The following SPATA16 variants were observed in gnomAD, a reference collection of about 807,000 sequenced individuals.
SPATA16 encodes the protein spermatogenesis associated 16, also known as spermatogenesis-associated protein 16.
SPATA16 carries 36 observed loss-of-function variants against 63.3 expected under a neutral mutation model. The observed-to-expected ratio is 0.57, with a 90% CI of 0.44 to 0.75. The LOEUF is 0.75. Among genes scored for constraint, SPATA16 ranks in the 30% least tolerant of loss-of-function variants. The pLI, the probability that SPATA16 is intolerant of heterozygous loss-of-function variation, is 0.00. For synonymous variants in SPATA16, 203 were observed against 216.7 expected, an observed-to-expected ratio of 0.94 and a Z score of 0.56; for missense variants, 646 against 679.3, an observed-to-expected ratio of 0.95 and a Z score of 0.54.
intron 4 of SPATA16, among the ~76,000 whole-genome samples, chr3:173,013,725 T>C (rs965309102): frequency 2.6e-5 from 4 of 152,260 alleles, no homozygotes; most frequent in African/African-American, 9.6e-5. Context: ...CAGGTAGCTG[T>C]AACTCAGGCC....
intron 2 of SPATA16, among the ~76,000 whole-genome samples, chr3:173,114,113 G>A (rs188492790): frequency 1.3e-5 from 2 of 150,176 alleles, no homozygotes; most frequent in East Asian, 3.9e-4. Flanking sequence ...CTGGGAGGCG[G>A]AGGTTGCAGT....
chr3:173,043,288 A>AT (rs1353911466), intron 3 of SPATA16, among the ~76,000 whole-genome samples: 1 of 151,762 alleles, frequency 6.6e-6, no homozygotes, highest in Admixed American at 6.6e-5. Context: ...TTAGTAATTA[A>AT]TTTTAAGTCA....
rs186514839 is a variant in SPATA16, at chr3:172,907,165, C to G, written c.1587+6496G>C. On this transcript the variant is annotated intron_variant, in intron 10 of 10. Coordinates refer to ENST00000351008, the MANE Select transcript of SPATA16 (RefSeq NM_031955.6). ...AATATCCTTATTTTACATGAGAACA[C>G]TGCAGAGAAAGGAAGTGGCTTCCGA... Among the ~76,000 whole-genome samples the G allele has an allele frequency of 6.7e-4, 102 of 152,320 alleles. 1 individual carries two copies. The highest frequency in any genetic ancestry group is 2.3e-3 in the African/African-American group (96 of 41,570).
intron 3 of SPATA16, among the ~76,000 whole-genome samples, chr3:173,023,147 G>A (rs945524727): frequency 6.6e-6 from 1 of 151,366 alleles, no homozygotes; most frequent in Non-Finnish European, 1.5e-5. Flanking sequence ...ATGTGTGTGT[G>A]TGTGTGTGTG....
rs1200284125 is a variant in SPATA16, at chr3:172,925,434, T to C, written c.1140A>G (p.Gln380=). Residue 380 remains glutamine (Q), a synonymous_variant, in exon 7 of 11, where the codon CAA becomes CAG. Coordinates refer to ENST00000351008, the MANE Select transcript of SPATA16 (RefSeq NM_031955.6). ...QTVDWSSFPP[Q]QYLLTLGFKN... ...TGAACCCAAGAGTCAAGAGATATTG[T>C]TGGGGAGGAAAAGATGACCAGTCAA... 1.9e-6 allele frequency: 3 copies of C among 1,614,056 alleles called. No homozygotes were observed. The highest frequency in any genetic ancestry group is 2.5e-6 in the Non-Finnish European group (3 of 1,179,962).
At chr3:173,102,513 G>T (rs1392828422) in intron 2 of SPATA16, among the ~76,000 whole-genome samples, 1 of 152,180 alleles carries the variant, frequency 6.6e-6, no homozygotes, top group Non-Finnish European at 1.5e-5. Context: ...AGCCAGAGCA[G>T]TTGGTGGGGG....
chr3:172,966,132 T>A (rs1259861899), intron 5 of SPATA16, among the ~76,000 whole-genome samples: 1 of 152,200 alleles, frequency 6.6e-6, no homozygotes, highest in Non-Finnish European at 1.5e-5. Context: ...ATTATATACC[T>A]ATATATGTTT....
At chr3:173,082,732 TAGA>T (rs1736955942) in intron 2 of SPATA16, among the ~76,000 whole-genome samples, 1 of 152,160 alleles carries the variant, frequency 6.6e-6, no homozygotes, top group Admixed American at 6.6e-5. Flanking sequence ...TCTCTTTGCC[TAGA>T]AGAGAGGAAC....
At chr3:172,924,810 T>A (rs1732691161) in intron 7 of SPATA16, among the ~76,000 whole-genome samples, 1 of 152,198 alleles carries the variant, frequency 6.6e-6, no homozygotes, top group Non-Finnish European at 1.5e-5. Flanking sequence ...TGGTCATGAA[T>A]TCAGCCCATA....
rs1450822760 is a variant in SPATA16, at chr3:172,889,565, A to G, written c.*5T>C. ...ATCTTAGTGGTAGTGCCTGCTCCCTAATGACTACCTTTGCTGAACAGTTTG... is the reference window on the plus strand; with the variant it reads ...ATCTTAGTGGTAGTGCCTGCTCCCTGATGACTACCTTTGCTGAACAGTTTG... On this transcript the variant is annotated 3_prime_UTR_variant, in exon 11 of 11. Transcript: ENST00000351008. 6.2e-7 allele frequency: 1 copy of G among 1,613,608 alleles called. No individual in the cohort carries two copies. The highest frequency in any genetic ancestry group is 1.1e-5 in the South Asian group (1 of 91,066).
At chr3:172,934,394 A>G (rs183634181) in intron 6 of SPATA16, among the ~76,000 whole-genome samples, 19 of 152,284 alleles carry the variant, frequency 1.2e-4, no homozygotes, top group African/African-American at 4.3e-4. Flanking sequence ...AAATTAAGAG[A>G]TAGATGATGA....
At chr3:173,124,465 T>C (rs1738173102) in intron 1 of SPATA16, among the ~76,000 whole-genome samples, 1 of 152,330 alleles carries the variant, frequency 6.6e-6, no homozygotes, top group Admixed American at 6.5e-5. Context: ...CCAAGGTTAA[T>C]TCCTTTTGTT....
intron 4 of SPATA16, among the ~76,000 whole-genome samples, chr3:172,993,775 C>A (rs115867139): frequency 2.1e-4 from 32 of 152,242 alleles, no homozygotes; most frequent in African/African-American, 7.2e-4. Flanking sequence ...CCCCCTCCCC[C>A]GCTTAAGATG....
chr3:173,120,434 A>T (rs114133988), intron 1 of SPATA16, among the ~76,000 whole-genome samples: 1,939 of 152,262 alleles, frequency 0.013, 40 homozygotes, highest in African/African-American at 0.044. Context: ...TTAAAAATAT[A>T]AACAGGCAAC....
chr3:172,993,202 G>GA (rs71965210), intron 4 of SPATA16, among the ~76,000 whole-genome samples: 39,116 of 147,558 alleles, frequency 0.27, 6,706 homozygotes, highest in African/African-American at 0.49. Flanking sequence ...AAATATTAGT[G>GA]AAAAAAAAAA....
At chr3:172,932,668 T>C (rs537488715) in intron 6 of SPATA16, among the ~76,000 whole-genome samples, 3 of 152,310 alleles carry the variant, frequency 2.0e-5, no homozygotes, top group East Asian at 3.9e-4. Flanking sequence ...AAAGTTGTTA[T>C]TATTATTGCC....
chr3:172,973,368 C>A (rs1734089094), intron 5 of SPATA16, among the ~76,000 whole-genome samples: 1 of 151,966 alleles, frequency 6.6e-6, no homozygotes. Flanking sequence ...AAAAAAGAAC[C>A]ATTAAGGTAG....
intron 2 of SPATA16, among the ~76,000 whole-genome samples, chr3:173,093,076 C>CACACACACACATAT (rs372317726): frequency 2.8e-5 from 4 of 143,980 alleles, no homozygotes; most frequent in Admixed American, 2.1e-4. Flanking sequence ...CACACACACA[C>CACACACACACATAT]ATATATATAT....
intron 2 of SPATA16, among the ~76,000 whole-genome samples, chr3:173,111,844 T>G (rs1038717039): frequency 1.3e-5 from 2 of 152,192 alleles, no homozygotes; most frequent in Non-Finnish European, 2.9e-5. Flanking sequence ...CCATAAAGAA[T>G]GTGTTCTAGA....
Sources: allele counts gnomAD v4.1 joint callset (sites outside exome capture counted in the v4.1 genomes callset), GRCh38; gene constraint gnomAD v4.1.1; transcripts MANE v1.5; gene names NCBI Gene and HGNC (gene_info 2026-07-23, HGNC 2026-07-21).